Variants in AHCY observed in about 807,000 individuals in gnomAD.
AHCY encodes S-adenosyl-L-homocysteine hydrolase.
Under a neutral mutation model 45.4 loss-of-function variants are expected in AHCY, and 24 were observed. That is an observed-to-expected ratio of 0.53 (90% confidence interval 0.38 to 0.74). The LOEUF (loss-of-function observed/expected upper bound fraction) is 0.74, where lower values mean the gene tolerates loss of function less well. Among genes scored for constraint, AHCY ranks in the 30% least tolerant of loss-of-function variants. The probability of loss-of-function intolerance (pLI) is 0.00; values close to 1 mark genes in which losing one functional copy is unlikely to be tolerated. For synonymous variants in AHCY, 245 were observed against 235.1 expected (o/e 1.04, Z -0.39); for missense variants, 449 against 594.1 (o/e 0.76, Z 2.54).
the AHCY span, chr20:34,260,284 A>G: frequency 2.1e-6 from 3 of 1,433,668 alleles, no homozygotes; most frequent in Non-Finnish European, 2.8e-6. Context: ...ACACCAGCCC[A>G]AAGAAGCACA....
chr20:34,238,203 A>T, the AHCY span, among the ~76,000 whole-genome samples: 1 of 152,136 alleles, frequency 6.6e-6, no homozygotes, highest in Non-Finnish European at 1.5e-5. Context: ...AAACTTTGGA[A>T]GTCTTAATCA....
At chr20:34,235,584 T>C in the AHCY span, among the ~76,000 whole-genome samples, 3 of 152,036 alleles carry the variant, frequency 2.0e-5, no homozygotes, top group Non-Finnish European at 4.4e-5. Context: ...CTTAGCACGA[T>C]AACAATCATG....
At chr20:34,264,102 CTATTT>C in the AHCY span, among the ~76,000 whole-genome samples, 1 of 152,030 alleles carries the variant, frequency 6.6e-6, no homozygotes, top group Non-Finnish European at 1.5e-5. Context: ...AGATACTAGT[CTATTT>C]TATCACTTGC....
the AHCY span, chr20:34,260,219 C>CCT: frequency 2.6e-6 from 2 of 756,144 alleles, no homozygotes; most frequent in East Asian, 5.0e-5. Context: ...CCTTCCCCAT[C>CCT]CTAAGCCTTG....
the AHCY span, among the ~76,000 whole-genome samples, chr20:34,260,989 T>C: frequency 1.3e-5 from 2 of 152,174 alleles, no homozygotes; most frequent in South Asian, 4.1e-4. Flanking sequence ...CACCTGATAA[T>C]AATCATAGAC....
At chr20:34,306,883 A>G (rs1475894503), upstream of AHCY, among the ~76,000 whole-genome samples, 17 of 152,176 alleles carry the variant, frequency 1.1e-4, no homozygotes. Flanking sequence ...AATGAACCAC[A>G]GATTAGTGGT....
chr20:34,292,803 A>C (rs2036443420), intron 3 of AHCY, among the ~76,000 whole-genome samples: 1 of 152,200 alleles, frequency 6.6e-6, no homozygotes, highest in Admixed American at 6.5e-5. Context: ...GTGAGACAGA[A>C]GCCATGTACA....
the AHCY span, among the ~76,000 whole-genome samples, chr20:34,242,919 G>A: frequency 6.6e-6 from 1 of 152,260 alleles, no homozygotes; most frequent in Non-Finnish European, 1.5e-5. Context: ...AGAAAAGGCA[G>A]AGAAGTGATT....
the AHCY span, among the ~76,000 whole-genome samples, chr20:34,253,105 C>CT: frequency 0.013 from 1,889 of 149,500 alleles, 12 homozygotes; most frequent in Non-Finnish European, 0.019. Flanking sequence ...ATCTCTCTTT[C>CT]TTTTTTTTTT....
chr20:34,255,566 T>G, the AHCY span, among the ~76,000 whole-genome samples: 3 of 152,192 alleles, frequency 2.0e-5, no homozygotes, highest in Admixed American at 2.0e-4. Context: ...AAATAGATTA[T>G]AGATGTGATT....
At chr20:34,235,871 AAGG>A in the AHCY span, among the ~76,000 whole-genome samples, 1,052 of 19,720 alleles carry the variant, frequency 0.053, 21 homozygotes, top group East Asian at 0.12. Flanking sequence ...GAAGGAAAGG[AAGG>A]AAGGAAGGAA....
Position 34,291,306 on chromosome 20 carries a change from C to A in AHCY, c.558+113G>T, listed in dbSNP as rs892836308. ...GCCTGTCTATAACCGCTTTTGCCCC[C>A]TCAAATGAGGGCTTCATGTCCCTAA... On this transcript the variant is annotated intron_variant, in intron 5 of 9. Coordinates refer to ENST00000217426, the MANE Select transcript of AHCY (RefSeq NM_000687.4). The A allele has an allele frequency of 6.2e-5, 65 of 1,048,346 alleles. No individual in the cohort carries two copies. The African/African-American group carries it at 8.3e-4, about 13-fold the overall frequency. The allele number at this position is 1,048,346 out of a possible 1,614,324, so 64.9% of individuals were successfully genotyped here.
At chr20:34,266,737 C>T in the AHCY span, among the ~76,000 whole-genome samples, 6 of 152,144 alleles carry the variant, frequency 3.9e-5, no homozygotes, top group Non-Finnish European at 8.8e-5. Flanking sequence ...ACTAAGGACA[C>T]GTTAGCACCA....
the AHCY span, chr20:34,262,695 C>A: frequency 2.2e-6 from 2 of 891,112 alleles, no homozygotes; most frequent in Non-Finnish European, 3.6e-6. Context: ...TTGAGTCCTA[C>A]AGTGTGACTC....
the AHCY span, among the ~76,000 whole-genome samples, chr20:34,240,730 C>T: frequency 6.6e-6 from 1 of 152,170 alleles, no homozygotes; most frequent in Non-Finnish European, 1.5e-5. Context: ...CTCAATTAGA[C>T]TGTTTTATTC....
chr20:34,299,230 C>A (rs1178932891), intron 1 of AHCY, among the ~76,000 whole-genome samples: 1 of 152,046 alleles, frequency 6.6e-6, no homozygotes, highest in Non-Finnish European at 1.5e-5. Flanking sequence ...GATTCCATAT[C>A]CCCTCTCCTC....
chr20:34,283,482 G>A (rs1257261295), intron 9 of AHCY, among the ~76,000 whole-genome samples: 1 of 152,204 alleles, frequency 6.6e-6, no homozygotes, highest in African/African-American at 2.4e-5. Context: ...CATACAGCAT[G>A]TGAGGCATGA....
chr20:34,295,296 T>C, intron 2 of AHCY, 99 bp downstream of exon 2: 1 of 1,469,708 alleles, frequency 6.8e-7, no homozygotes, highest in Non-Finnish European at 9.4e-7. Flanking sequence ...CGCGGTCAGC[T>C]CCACACCTGG....
At chr20:34,252,325 G>A in the AHCY span, among the ~76,000 whole-genome samples, 1 of 152,192 alleles carries the variant, frequency 6.6e-6, no homozygotes, top group South Asian at 2.1e-4. Context: ...TGAGGGGAGT[G>A]TAGCAGGGCA....
Sources: allele counts gnomAD v4.1 joint callset (sites outside exome capture counted in the v4.1 genomes callset), GRCh38; gene constraint gnomAD v4.1.1; transcripts MANE v1.5; gene names NCBI Gene and HGNC (gene_info 2026-07-23, HGNC 2026-07-21).